IPO11: variants seen among roughly 807,000 people sequenced by gnomAD.
IPO11 encodes the protein importin 11.
Under a neutral mutation model 143.2 loss-of-function variants are expected in IPO11, and 66 were observed. The ratio of observed to expected loss-of-function variants is 0.46; its 90% CI spans 0.38 to 0.57. The LOEUF (loss-of-function observed/expected upper bound fraction) is 0.57, where lower values mean the gene tolerates loss of function less well. IPO11 is among the 20% of genes least tolerant of loss of function. IPO11 has a pLI of 0.00. For missense variants in IPO11, 1,026 were observed against 1,141.0 expected (o/e 0.90, Z 1.45); for synonymous variants, 385 against 377.8 (o/e 1.02, Z -0.22).
intron 27 of IPO11, among the ~76,000 whole-genome samples, chr5:62,569,262 A>G (rs79557199): frequency 0.022 from 3,356 of 152,254 alleles, 126 homozygotes; most frequent in African/African-American, 0.076. Context: ...TGGGATAGGA[A>G]TGGTATAGGC....
At chr5:62,530,903 C>T (rs1481576441) in intron 22 of IPO11, 118 bp downstream of exon 22, 4 of 736,824 alleles carry the variant, frequency 5.4e-6, no homozygotes, top group Non-Finnish European at 9.5e-6. Flanking sequence ...AGTTTAGATT[C>T]AGGGGATATA....
intron 24 of IPO11, among the ~76,000 whole-genome samples, chr5:62,545,518 C>T (rs987829677): frequency 1.3e-5 from 2 of 152,192 alleles, no homozygotes; most frequent in Non-Finnish European, 2.9e-5. Context: ...CTAGGCAATA[C>T]AATTCAGGAC....
At chr5:62,442,079 C>G (rs1399038825) in intron 2 of IPO11, among the ~76,000 whole-genome samples, 1 of 151,274 alleles carries the variant, frequency 6.6e-6, no homozygotes. Flanking sequence ...CTCCTGACCT[C>G]GTGATTCGCC....
intron 24 of IPO11, among the ~76,000 whole-genome samples, chr5:62,545,991 C>G (rs1743161084): frequency 6.6e-6 from 1 of 152,200 alleles, no homozygotes; most frequent in African/African-American, 2.4e-5. Flanking sequence ...CACTTTTACA[C>G]TGTTGGTGGG....
intron 27 of IPO11, among the ~76,000 whole-genome samples, chr5:62,563,072 C>T (rs2112369652): frequency 6.6e-6 from 1 of 152,276 alleles, no homozygotes. Flanking sequence ...TGATATTGCT[C>T]CCCAGGTGGA....
intron 5 of IPO11, among the ~76,000 whole-genome samples, chr5:62,459,454 T>G (rs1200126532): frequency 6.6e-6 from 1 of 152,128 alleles, no homozygotes; most frequent in Non-Finnish European, 1.5e-5. Flanking sequence ...GAAATTGCTT[T>G]TGAGATAGAT....
intron 20 of IPO11, among the ~76,000 whole-genome samples, chr5:62,521,037 AT>A (rs1398919321): frequency 5.3e-5 from 8 of 152,150 alleles, no homozygotes; most frequent in Non-Finnish European, 1.2e-4. Context: ...CTTTTTAATG[AT>A]CTCCATTCTA....
intron 29 of IPO11, among the ~76,000 whole-genome samples, chr5:62,620,530 A>G (rs1477610689): frequency 1.3e-5 from 2 of 151,942 alleles, no homozygotes; most frequent in Non-Finnish European, 2.9e-5. Flanking sequence ...AAAAAAAAAA[A>G]AAAAAAAAAA....
intron 29 of IPO11, among the ~76,000 whole-genome samples, chr5:62,626,655 G>A (rs1271829447): frequency 1.3e-5 from 2 of 150,830 alleles, no homozygotes; most frequent in Non-Finnish European, 2.9e-5. Flanking sequence ...AGTGGGAGAC[G>A]AGGAGTCCCT....
chr5:62,570,622 T>C (rs536326379), intron 27 of IPO11, among the ~76,000 whole-genome samples: 1 of 152,338 alleles, frequency 6.6e-6, no homozygotes, highest in South Asian at 2.1e-4. Flanking sequence ...GAACAACAAT[T>C]TGTGTCTTCC....
intron 27 of IPO11, chr5:62,580,536 A>C: frequency 1.3e-6 from 2 of 1,551,438 alleles, no homozygotes; most frequent in South Asian, 2.4e-5. Flanking sequence ...GTAACTGCAA[A>C]CTTTTGGGCC....
At chr5:62,464,105 T>C (rs1174686686) in intron 5 of IPO11, among the ~76,000 whole-genome samples, 1 of 150,984 alleles carries the variant, frequency 6.6e-6, no homozygotes, top group Non-Finnish European at 1.5e-5. Context: ...ATTACAGGCG[T>C]GAGCCACCGC....
chr5:62,513,173 G>T (rs1297251653), intron 19 of IPO11, among the ~76,000 whole-genome samples: 98 of 151,508 alleles, frequency 6.5e-4, no homozygotes, highest in Middle Eastern at 3.4e-3. Context: ...GGGCAGAGGC[G>T]CCCCTCAGCT....
intron 22 of IPO11, among the ~76,000 whole-genome samples, chr5:62,532,190 G>A (rs1419350365): frequency 1.3e-5 from 2 of 152,138 alleles, no homozygotes; most frequent in African/African-American, 4.8e-5. Flanking sequence ...TCTCCACAAC[G>A]TTCAGTTCCC....
At chr5:62,519,000 G>T (rs1256369407) in intron 20 of IPO11, among the ~76,000 whole-genome samples, 1 of 152,192 alleles carries the variant, frequency 6.6e-6, no homozygotes, top group Non-Finnish European at 1.5e-5. Flanking sequence ...AGAACATATT[G>T]CTATTGGGGG....
chr5:62,549,801 A>G (rs2112346971), intron 24 of IPO11, among the ~76,000 whole-genome samples: 1 of 152,336 alleles, frequency 6.6e-6, no homozygotes, highest in East Asian at 1.9e-4. Flanking sequence ...TTTTTAGTCA[A>G]GTTTTCACAT....
At chr5:62,616,070 A>AGGGGGGGGGGGGGGGGGGG (rs67923113) in intron 29 of IPO11, among the ~76,000 whole-genome samples, 5 of 106,350 alleles carry the variant, frequency 4.7e-5, no homozygotes, top group Admixed American at 9.8e-5. Context: ...TGGGGGAGGA[A>AGGGGGGGGGGGGGGGGGGG]GGGGGGTGGC....
chr5:62,444,784 A>C (rs1359109222), intron 3 of IPO11, among the ~76,000 whole-genome samples: 5 of 151,916 alleles, frequency 3.3e-5, no homozygotes, highest in Admixed American at 6.6e-5. Context: ...CAGGAGAATC[A>C]CTTGAACCTG....
At position 62,483,946 on chromosome 5, in the gene IPO11, T is replaced by C. The variant is rs977608702; in HGVS notation, c.1022-64T>C. 1.3e-5 allele frequency: 17 copies of C among 1,344,976 alleles called. No homozygotes were observed. The Middle Eastern group carries it at 1.3e-3, about 103-fold the overall frequency. The allele number at this position is 1,344,976 out of a possible 1,614,324, so 83.3% of individuals were successfully genotyped here. A position where few individuals can be genotyped will look rare whatever the true frequency, so the allele number is the denominator to read the frequency against. On this transcript the variant is annotated intron_variant, in intron 10 of 29. Coordinates refer to ENST00000325324, the MANE Select transcript of IPO11 (RefSeq NM_016338.5). ...GAGTGTATTTTTTATTTATTTAAGT[T>C]ACATAATCCAATGTAGCTACAATGT...
Sources: allele counts gnomAD v4.1 joint callset (sites outside exome capture counted in the v4.1 genomes callset), GRCh38; gene constraint gnomAD v4.1.1; transcripts MANE v1.5; gene names NCBI Gene and HGNC (gene_info 2026-07-23, HGNC 2026-07-21).